The following CA10 variants were observed in gnomAD, a reference collection of about 807,000 sequenced individuals.
The protein encoded by CA10 is carbonic anhydrase 10 (inactive), also known as carbonic anhydrase-related protein 10.
Under a neutral mutation model 44.2 loss-of-function variants are expected in CA10, and 14 were observed. The ratio of observed to expected loss-of-function variants is 0.32; its 90% CI spans 0.21 to 0.50. The LOEUF (loss-of-function observed/expected upper bound fraction) is 0.50, where lower values mean the gene tolerates loss of function less well. Among genes scored for constraint, CA10 ranks in the 20% least tolerant of loss-of-function variants. The pLI is 0.99. For missense variants in CA10, 350 were observed against 409.7 expected (o/e 0.85, Z 1.26); for synonymous variants, 159 against 141.6 (o/e 1.12, Z -0.87).
intron 4 of CA10, among the ~76,000 whole-genome samples, chr17:51,671,561 C>T (rs1333684066): frequency 2.0e-5 from 3 of 152,074 alleles, no homozygotes; most frequent in Non-Finnish European, 2.9e-5. Flanking sequence ...CCCGCCACCA[C>T]GCCTGGCTAA....
At chr17:52,068,034 G>A (rs1987581659) in intron 2 of CA10, among the ~76,000 whole-genome samples, 1 of 152,202 alleles carries the variant, frequency 6.6e-6, no homozygotes, top group Non-Finnish European at 1.5e-5. Context: ...GGGTAGGCAG[G>A]ATTGGTTTTG....
intron 4 of CA10, among the ~76,000 whole-genome samples, chr17:51,730,484 G>A (rs912954385): frequency 1.3e-5 from 2 of 152,168 alleles, no homozygotes; most frequent in African/African-American, 2.4e-5. Context: ...AGGGACTTAA[G>A]GGAGGTTAAA....
intron 4 of CA10, among the ~76,000 whole-genome samples, chr17:51,688,283 C>A (rs1310772809): frequency 2.0e-5 from 3 of 152,222 alleles, no homozygotes; most frequent in Non-Finnish European, 4.4e-5. Context: ...AACTACCCAG[C>A]TAAGCCACTC....
intron 2 of CA10, among the ~76,000 whole-genome samples, chr17:52,011,662 A>T (rs2144136643): frequency 6.6e-6 from 1 of 152,180 alleles, no homozygotes; most frequent in South Asian, 2.1e-4. Flanking sequence ...TTATAATGAA[A>T]ATGTATGTGA....
At chr17:51,644,067 T>A (rs1913216832) in intron 6 of CA10, among the ~76,000 whole-genome samples, 1 of 152,128 alleles carries the variant, frequency 6.6e-6, no homozygotes, top group Non-Finnish European at 1.5e-5. Flanking sequence ...CCTCCAAAAT[T>A]CCCAATCCTC....
chr17:51,900,160 C>T (rs761419262), intron 3 of CA10, among the ~76,000 whole-genome samples: 26 of 151,920 alleles, frequency 1.7e-4, no homozygotes, highest in Admixed American at 4.6e-4. Flanking sequence ...CTGTGGTGGC[C>T]CATAATGGTC....
intron 2 of CA10, among the ~76,000 whole-genome samples, chr17:52,017,279 G>A (rs1985997916): frequency 6.6e-6 from 1 of 152,142 alleles, no homozygotes; most frequent in Admixed American, 6.6e-5. Flanking sequence ...TGTCTCAGAG[G>A]AAGGCAGGAA....
At chr17:52,048,850 C>T (rs983638757) in intron 2 of CA10, among the ~76,000 whole-genome samples, 2 of 151,870 alleles carry the variant, frequency 1.3e-5, no homozygotes, top group Non-Finnish European at 2.9e-5. Flanking sequence ...GATGTGTAGA[C>T]ATTACCCTAC....
intron 2 of CA10, among the ~76,000 whole-genome samples, chr17:51,959,282 CTGTGTGTGTGTGTGTGTGTG>C (rs71149386): frequency 2.2e-5 from 3 of 134,454 alleles, no homozygotes; most frequent in East Asian, 2.2e-4. Context: ...CTCTCTCTCT[CTGTGTGTGTGTGTGTGTGTG>C]TGTGTGTGTG....
intron 4 of CA10, among the ~76,000 whole-genome samples, chr17:51,703,606 G>A (rs537657676): frequency 6.6e-6 from 1 of 152,236 alleles, no homozygotes; most frequent in East Asian, 1.9e-4. Flanking sequence ...CCTCCATACT[G>A]TTGACACTCA....
At position 51,686,046 on chromosome 17, in the gene CA10, T is replaced by C. The variant is rs924793730; in HGVS notation, c.466-32310A>G. ...CTTGAATTGTAATAATCCCCATGGG[T>C]CAAGGGCAGGGCCAGGTGGAGATAA... On this transcript the variant is annotated intron_variant, in intron 4 of 8. Coordinates refer to ENST00000451037, the MANE Select transcript of CA10 (RefSeq NM_020178.5). Among the ~76,000 whole-genome samples the C allele has an allele frequency of 3.4e-5, 5 of 146,898 alleles. No homozygotes were observed. In the East Asian group the frequency reaches 5.8e-4, roughly 17 times the overall value.
intron 2 of CA10, among the ~76,000 whole-genome samples, chr17:52,034,403 G>T (rs190389244): frequency 3.9e-5 from 6 of 152,186 alleles, no homozygotes; most frequent in Admixed American, 1.3e-4. Context: ...ATAGAGTCTT[G>T]GACAGTGGTT....
intron 2 of CA10, among the ~76,000 whole-genome samples, chr17:51,953,265 C>T (rs769638862): frequency 6.6e-6 from 1 of 152,104 alleles, no homozygotes; most frequent in Admixed American, 6.5e-5. Context: ...TTGATCCAAA[C>T]ATTTATTGAA....
intron 2 of CA10, among the ~76,000 whole-genome samples, chr17:52,052,305 A>ATTTT (rs1300919091): frequency 0.016 from 2,015 of 127,696 alleles, 40 homozygotes; most frequent in African/African-American, 0.04. Flanking sequence ...TTTTTAAAAA[A>ATTTT]AAAAAAAAAA....
intron 1 of CA10, among the ~76,000 whole-genome samples, chr17:52,100,529 G>A (rs140766564): frequency 7.8e-4 from 119 of 152,298 alleles, no homozygotes; most frequent in African/African-American, 2.8e-3. Context: ...ATGAAAGTGG[G>A]CAAGAAAGAG....
chr17:51,939,344 A>G (rs1175817412), intron 2 of CA10, among the ~76,000 whole-genome samples: 1 of 152,104 alleles, frequency 6.6e-6, no homozygotes, highest in Non-Finnish European at 1.5e-5. Flanking sequence ...TTACTTTACC[A>G]TGAAAATCAA....
chr17:52,016,475 T>A (rs1314734212), intron 2 of CA10, among the ~76,000 whole-genome samples: 1 of 152,094 alleles, frequency 6.6e-6, no homozygotes, highest in African/African-American at 2.4e-5. Context: ...CTCCTCCAAA[T>A]CTCATGTTGA....
At chr17:51,872,194 A>G (rs1456265502) in intron 3 of CA10, among the ~76,000 whole-genome samples, 1 of 152,232 alleles carries the variant, frequency 6.6e-6, no homozygotes, top group East Asian at 1.9e-4. Context: ...TCTGGCTAGA[A>G]TGGAAATACA....
chr17:51,670,144 C>A (rs1240846192), intron 4 of CA10, among the ~76,000 whole-genome samples: 2 of 152,152 alleles, frequency 1.3e-5, no homozygotes, highest in Non-Finnish European at 2.9e-5. Flanking sequence ...TCAATTAAAC[C>A]TCTTTTCTTT....
Sources: gnomAD v4.1 joint callset for allele counts (sites outside exome capture counted in the v4.1 genomes callset) on GRCh38, gnomAD v4.1.1 for gene constraint, MANE v1.5 for transcripts, NCBI Gene and HGNC (gene_info 2026-07-23, HGNC 2026-07-21) for gene names.